The following CDC123 variants were observed in gnomAD, a reference collection of about 807,000 sequenced individuals.
The protein encoded by CDC123 is cell division cycle 123.
A neutral mutation model predicts 54.4 loss-of-function variants in CDC123; 37 were observed. The observed-to-expected ratio is 0.68, with a 90% CI of 0.52 to 0.89. CDC123 has a LOEUF of 0.89. Ranked by LOEUF, CDC123 falls within the 40% of genes least tolerant of loss-of-function variation. CDC123 has a pLI of 0.00. For missense variants in CDC123, 361 were observed against 412.1 expected (o/e 0.88, Z 1.07); for synonymous variants, 144 against 136.8 (o/e 1.05, Z -0.37).
intron 6 of CDC123, among the ~76,000 whole-genome samples, chr10:12,226,419 A>T (rs1454899911): frequency 6.7e-6 from 1 of 150,104 alleles, no homozygotes; most frequent in Admixed American, 6.6e-5. Context: ...CACCTCCTGG[A>T]GGGGGCAGCT....
At chr10:12,225,241 A>T (rs1003319721) in intron 6 of CDC123, among the ~76,000 whole-genome samples, 1 of 152,094 alleles carries the variant, frequency 6.6e-6, no homozygotes, top group Non-Finnish European at 1.5e-5. Context: ...CTAAAAATAC[A>T]AAAATTAGCT....
intron 6 of CDC123, among the ~76,000 whole-genome samples, chr10:12,220,972 G>A (rs1183529444): frequency 6.8e-6 from 1 of 147,876 alleles, no homozygotes; most frequent in Non-Finnish European, 1.5e-5. Context: ...GCGAGACTTT[G>A]TCTCAAAAAA....
At chr10:12,246,107 C>CAGAA (rs1564260497) in intron 10 of CDC123, 42 bp from the exon 11 acceptor site, 1 of 1,599,910 alleles carries the variant, frequency 6.3e-7, no homozygotes, top group Admixed American at 1.7e-5. Context: ...AGACAGAGTA[C>CAGAA]AGAAGATGTT....
chr10:12,228,658 C>T (rs557609061), intron 6 of CDC123, among the ~76,000 whole-genome samples: 23 of 152,278 alleles, frequency 1.5e-4, no homozygotes, highest in African/African-American at 5.5e-4. Flanking sequence ...ACAACCTCTG[C>T]CTCCCAGGTT....
chr10:12,214,560 A>G (rs2399796), intron 4 of CDC123, among the ~76,000 whole-genome samples: 75,925 of 152,132 alleles, frequency 0.5, 20,799 homozygotes, highest in Middle Eastern at 0.65. Flanking sequence ...TAACAGAAAG[A>G]AAGGCAGCCT....
intron 6 of CDC123, among the ~76,000 whole-genome samples, chr10:12,220,072 C>T (rs1835715350): frequency 6.6e-6 from 1 of 152,188 alleles, no homozygotes; most frequent in Non-Finnish European, 1.5e-5. Flanking sequence ...ATCTCGTGAT[C>T]CGCCCGCCTT....
chr10:12,221,975 G>A (rs1835743569), intron 6 of CDC123, among the ~76,000 whole-genome samples: 1 of 152,124 alleles, frequency 6.6e-6, no homozygotes, highest in African/African-American at 2.4e-5. Context: ...TGAAACACAG[G>A]TTCCTGGGCT....
At chr10:12,213,676 G>A (rs912148987) in intron 4 of CDC123, among the ~76,000 whole-genome samples, 2 of 151,944 alleles carry the variant, frequency 1.3e-5, no homozygotes, top group Admixed American at 1.3e-4. Flanking sequence ...ATAGAAAATG[G>A]TAAAATCATG....
At chr10:12,196,369 C>T (rs1220811910) in intron 1 of CDC123, 50 bp downstream of exon 1, 6 of 1,612,134 alleles carry the variant, frequency 3.7e-6, no homozygotes, top group Admixed American at 3.3e-5. Context: ...GGAACTGCGA[C>T]TTCTGAGCGA....
Position 12,235,784 on chromosome 10 carries a change from A to C in CDC123, c.565+661A>C, listed in dbSNP as rs537060986. Among the ~76,000 whole-genome samples the C allele has an allele frequency of 1.4e-3, 212 of 152,336 alleles. 1 individual carries two copies. Among genetic ancestry groups the C allele is most frequent in the Non-Finnish European group, 2.3e-3 (154 of 68,026 alleles). ...GAAATGTATGAACCCACCTGAAAGAAAGTTGGGGTGTTCACATTTCTCATA... is the reference window on the plus strand; with the variant it reads ...GAAATGTATGAACCCACCTGAAAGACAGTTGGGGTGTTCACATTTCTCATA... On this transcript the variant is annotated intron_variant, in intron 8 of 12. Coordinates refer to ENST00000281141, the MANE Select transcript of CDC123 (RefSeq NM_006023.3).
Position 12,246,163 on chromosome 10 carries a change from C to T in CDC123, c.732C>T (p.Leu244=). 6.2e-7 allele frequency: 1 copy of T among 1,614,040 alleles called. No homozygotes were observed. Among genetic ancestry groups the T allele is most frequent in the Non-Finnish European group, 8.5e-7 (1 of 1,179,932 alleles). The part of the protein sequence containing the change: ...IYRDSRGKVW[L]IDFNPFGEVT... ...CTGTGCTACAGGGGAAGGTGTGGCT[C>T]ATTGACTTTAATCCATTTGGTGAAG... Residue 244 remains leucine (L), a synonymous_variant, in exon 11 of 13, where the codon CTC becomes CTT. Coordinates refer to ENST00000281141, the MANE Select transcript of CDC123 (RefSeq NM_006023.3).
chr10:12,236,958 A>G lies in CDC123; in HGVS notation c.566-186A>G, dbSNP rs17151460. On this transcript the variant is annotated intron_variant, in intron 8 of 12. Transcript: ENST00000281141. The stretch of plus-strand genomic sequence containing the variant: ...CTTCCAGAAGTAAGAAGACATGGCA[A>G]TGTAGGACTTCAGGATTCACCTGTT... 4.9e-3 allele frequency among the ~76,000 whole-genome samples: 744 copies of G among 152,330 alleles called. 27 individuals are homozygous for G. In the South Asian group the frequency reaches 0.07, roughly 14 times the overall value.
chr10:12,201,822 T>G (rs10906097), intron 2 of CDC123, among the ~76,000 whole-genome samples: 78,346 of 151,954 alleles, frequency 0.52, 20,459 homozygotes, highest in Middle Eastern at 0.63. Context: ...ATATTGCATT[T>G]GACTGGGTGA....
intron 6 of CDC123, among the ~76,000 whole-genome samples, chr10:12,225,326 C>T (rs969421311): frequency 7.2e-5 from 11 of 152,118 alleles, no homozygotes; most frequent in South Asian, 2.1e-4. Context: ...GCCCGGGAGA[C>T]GGAGGTTGCA....
intron 2 of CDC123, chr10:12,198,992 C>G (rs2131728430): frequency 2.4e-6 from 1 of 409,954 alleles, no homozygotes; most frequent in East Asian, 4.8e-5. Context: ...TGAAATTGAG[C>G]AGTTCCTTTC....
At chr10:12,222,756 T>A (rs188673499) in intron 6 of CDC123, among the ~76,000 whole-genome samples, 1,619 of 152,340 alleles carry the variant, frequency 0.011, 10 homozygotes, top group Middle Eastern at 0.058. Flanking sequence ...TAGTAATTTT[T>A]TTTTAAAATT....
At chr10:12,226,906 G>A (rs1835827582) in intron 6 of CDC123, among the ~76,000 whole-genome samples, 1 of 152,168 alleles carries the variant, frequency 6.6e-6, no homozygotes, top group Admixed American at 6.5e-5. Flanking sequence ...AAGGCAGGCG[G>A]CTGGGAGGTG....
At chr10:12,212,738 C>T (rs186802267) in intron 4 of CDC123, among the ~76,000 whole-genome samples, 29 of 152,206 alleles carry the variant, frequency 1.9e-4, no homozygotes, top group Admixed American at 5.2e-4. Flanking sequence ...CAACCCAGCT[C>T]ATTCAGCCTC....
intron 6 of CDC123, among the ~76,000 whole-genome samples, chr10:12,220,076 C>T (rs1174564925): frequency 6.6e-6 from 1 of 152,180 alleles, no homozygotes; most frequent in Non-Finnish European, 1.5e-5. Flanking sequence ...CGTGATCCGC[C>T]CGCCTTGGCT....
Sources: allele counts gnomAD v4.1 joint callset (sites outside exome capture counted in the v4.1 genomes callset), GRCh38; gene constraint gnomAD v4.1.1; transcripts MANE v1.5; gene names NCBI Gene and HGNC (gene_info 2026-07-23, HGNC 2026-07-21).